EXOC6: variants seen among roughly 807,000 people sequenced by gnomAD.
EXOC6 encodes the protein SEC15-like 1.
A neutral mutation model predicts 112.5 loss-of-function variants in EXOC6; 60 were observed. That is an observed-to-expected ratio of 0.53 (90% confidence interval 0.43 to 0.66). The LOEUF (loss-of-function observed/expected upper bound fraction) is 0.66, where lower values mean the gene tolerates loss of function less well. Among genes scored for constraint, EXOC6 ranks in the 30% least tolerant of loss-of-function variants. The pLI is 0.00. For synonymous variants in EXOC6, 295 were observed against 308.0 expected (o/e 0.96, Z 0.44); for missense variants, 855 against 957.1 (o/e 0.89, Z 1.41).
At chr10:92,971,632 G>A (rs958441146) in intron 17 of EXOC6, among the ~76,000 whole-genome samples, 3 of 151,742 alleles carry the variant, frequency 2.0e-5, no homozygotes, top group Non-Finnish European at 4.4e-5. Flanking sequence ...CACCTGCCTC[G>A]GCCTCCCAAA....
intron 19 of EXOC6, among the ~76,000 whole-genome samples, chr10:93,007,849 A>G (rs577251562): frequency 6.6e-6 from 1 of 152,286 alleles, no homozygotes; most frequent in South Asian, 2.1e-4. Flanking sequence ...ATAAGATCAG[A>G]CACCTCCTTC....
At chr10:92,933,532 A>G (rs1852175928) in intron 9 of EXOC6, among the ~76,000 whole-genome samples, 1 of 152,228 alleles carries the variant, frequency 6.6e-6, no homozygotes, top group African/African-American at 2.4e-5. Flanking sequence ...ACACCTGAAG[A>G]AAACCCCAGA....
chr10:93,037,404 G>A (rs1845561939), intron 20 of EXOC6, among the ~76,000 whole-genome samples: 1 of 151,474 alleles, frequency 6.6e-6, no homozygotes, highest in Admixed American at 6.6e-5. Context: ...CCAATGTGCG[G>A]GGATTAATAG....
intron 1 of EXOC6, among the ~76,000 whole-genome samples, chr10:92,838,866 G>A (rs1846744047): frequency 2.0e-5 from 3 of 152,264 alleles, no homozygotes; most frequent in Middle Eastern, 3.4e-3. Context: ...GAGGTCAAGA[G>A]TTCAAGACCA....
chr10:92,990,744 T>G (rs761813611), intron 18 of EXOC6, among the ~76,000 whole-genome samples: 5 of 152,138 alleles, frequency 3.3e-5, no homozygotes, highest in Non-Finnish European at 7.4e-5. Context: ...AAGCCCAGCA[T>G]GCATTATCTG....
At chr10:92,899,715 C>T (rs1850052348) in intron 5 of EXOC6, 71 bp downstream of exon 5, 1 of 1,108,064 alleles carries the variant, frequency 9.0e-7, no homozygotes, top group East Asian at 2.5e-5. Context: ...GATACATTTA[C>T]TATAAATCAT....
At chr10:92,880,509 T>C (rs145802526) in intron 1 of EXOC6, among the ~76,000 whole-genome samples, 197 of 152,294 alleles carry the variant, frequency 1.3e-3, no homozygotes, top group African/African-American at 4.4e-3. Context: ...TTGTAATTTA[T>C]ATCCTCACAG....
At chr10:93,055,665 T>TTA (rs1355142180) in intron 20 of EXOC6, among the ~76,000 whole-genome samples, 1 of 147,780 alleles carries the variant, frequency 6.8e-6, no homozygotes, top group African/African-American at 2.5e-5. Flanking sequence ...AGTATATTCT[T>TTA]TAACATTGTC....
chr10:92,997,675 A>G (rs1843556533), intron 19 of EXOC6, 60 bp downstream of exon 19: 1 of 1,449,774 alleles, frequency 6.9e-7, no homozygotes, highest in Non-Finnish European at 9.3e-7. Flanking sequence ...AAATTATATG[A>G]AAAAATGTAT....
intron 1 of EXOC6, among the ~76,000 whole-genome samples, chr10:92,883,741 A>C (rs1849073834): frequency 6.6e-6 from 1 of 152,206 alleles, no homozygotes; most frequent in Non-Finnish European, 1.5e-5. Flanking sequence ...TGCAAACTTA[A>C]GGCTAATGTA....
At chr10:93,000,572 G>A (rs1006166492) in intron 19 of EXOC6, among the ~76,000 whole-genome samples, 1 of 152,142 alleles carries the variant, frequency 6.6e-6, no homozygotes, top group South Asian at 2.1e-4. Flanking sequence ...TAAGGTCCTG[G>A]CACTGTAGAT....
chr10:92,832,423 G>A (rs922720096), upstream of EXOC6, among the ~76,000 whole-genome samples: 1 of 151,958 alleles, frequency 6.6e-6, no homozygotes, highest in African/African-American at 2.4e-5. Flanking sequence ...AATTACAGGC[G>A]TCCGCCACCA....
chr10:92,999,162 C>G, intron 19 of EXOC6: 1 of 383,600 alleles, frequency 2.6e-6, no homozygotes, highest in Admixed American at 3.6e-5. Flanking sequence ...ATGAGCTACC[C>G]TTGGCCTATT....
chr10:92,842,440 G>GTCATCATCATCATCATCATCA (rs137992222), intron 1 of EXOC6, among the ~76,000 whole-genome samples: 29 of 147,744 alleles, frequency 2.0e-4, no homozygotes, highest in Non-Finnish European at 4.0e-4. Flanking sequence ...AATGTCAGCT[G>GTCATCATCATCATCATCATCA]TCATCATCAT....
intron 20 of EXOC6, among the ~76,000 whole-genome samples, chr10:93,055,725 G>C (rs1260090112): frequency 6.7e-6 from 1 of 149,278 alleles, no homozygotes; most frequent in East Asian, 2.0e-4. Context: ...GGCCCAGAAT[G>C]GTATCTTGTC....
intron 7 of EXOC6, among the ~76,000 whole-genome samples, chr10:92,917,529 CTTTCT>C (rs1851166483): frequency 7.8e-6 from 1 of 127,598 alleles, no homozygotes; most frequent in African/African-American, 3.4e-5. Flanking sequence ...TTCTTTTTTT[CTTTCT>C]TTTTTTTTTT....
intron 18 of EXOC6, among the ~76,000 whole-genome samples, chr10:92,975,796 G>C (rs1477297122): frequency 7.4e-6 from 1 of 135,894 alleles, no homozygotes; most frequent in African/African-American, 2.8e-5. Flanking sequence ...GAGGTGGGGG[G>C]GTCAGCCCCC....
At chr10:92,872,109 G>A (rs1398493020) in intron 1 of EXOC6, among the ~76,000 whole-genome samples, 2 of 151,280 alleles carry the variant, frequency 1.3e-5, no homozygotes, top group South Asian at 2.1e-4. Flanking sequence ...CATTTTGTAC[G>A]TAATTCATTT....
chr10:92,891,492 T>C (rs1038275329), intron 1 of EXOC6, among the ~76,000 whole-genome samples: 1 of 152,336 alleles, frequency 6.6e-6, no homozygotes, highest in East Asian at 1.9e-4. Context: ...ATTCTTTTTT[T>C]TCTTTTTTAG....
Sources: allele counts gnomAD v4.1 joint callset (sites outside exome capture counted in the v4.1 genomes callset), GRCh38; gene constraint gnomAD v4.1.1; transcripts MANE v1.5; gene names NCBI Gene and HGNC (gene_info 2026-07-23, HGNC 2026-07-21).